The following ICA1 variants were observed in gnomAD, a reference collection of about 807,000 sequenced individuals.
ICA1 encodes 69 kDa islet cell autoantigen.
Under a neutral mutation model 71.0 loss-of-function variants are expected in ICA1, and 40 were observed. The ratio of observed to expected loss-of-function variants is 0.56; its 90% CI spans 0.44 to 0.73. The LOEUF (loss-of-function observed/expected upper bound fraction) is 0.73. Ranked by LOEUF, ICA1 falls within the 30% of genes least tolerant of loss-of-function variation. The pLI is 0.00. For missense variants in ICA1, 578 were observed against 576.5 expected, an observed-to-expected ratio of 1.00 and a Z score of -0.03; for synonymous variants, 207 against 209.5, an observed-to-expected ratio of 0.99 and a Z score of 0.10.
intron 1 of ICA1, among the ~76,000 whole-genome samples, chr7:8,242,080 C>G (rs1191164883): frequency 2.0e-5 from 3 of 152,210 alleles, no homozygotes; most frequent in African/African-American, 7.2e-5. Flanking sequence ...TAGACATCTA[C>G]AGAACTCTCC....
In ICA1 at chr7:8,113,826, A is replaced by G; in HGVS notation, c.*97T>C. On this transcript the variant is annotated 3_prime_UTR_variant, in exon 14 of 14. Coordinates refer to ENST00000402384, the MANE Select transcript of ICA1 (RefSeq NM_001136020.3). The surrounding 1 kb of genome is among the most constrained non-coding windows in gnomAD (Gnocchi z 4.2). ...CTTTCATTTTATTAAAATGGCACATAATTATTAAAACAGCATACTGATCAC... is the reference window on the plus strand; with the variant it reads ...CTTTCATTTTATTAAAATGGCACATGATTATTAAAACAGCATACTGATCAC... The G allele has an allele frequency of 1.5e-6, 2 of 1,295,960 alleles. No individual in the cohort carries two copies. The highest frequency in any genetic ancestry group is 2.2e-6 in the Non-Finnish European group (2 of 904,718). The allele number at this position is 1,295,960 out of a possible 1,614,324, so 80.3% of individuals were successfully genotyped here.
intron 6 of ICA1, among the ~76,000 whole-genome samples, chr7:8,168,399 G>A (rs567384604): frequency 1.3e-5 from 2 of 152,130 alleles, no homozygotes; most frequent in South Asian, 2.1e-4. Context: ...AGAGGAAATC[G>A]AGACCCAGAT....
chr7:8,173,607 T>A lies in ICA1; in HGVS notation c.580-14955A>T, dbSNP rs1779554715. ...GGATAATTGACAAGGGAGTTATTCA[T>A]TGCTGAAGCATTCCAACTAATAAAT... On this transcript the variant is annotated intron_variant, in intron 6 of 13. Coordinates refer to ENST00000402384, the MANE Select transcript of ICA1 (RefSeq NM_001136020.3). This position sits in a 1 kb window ranked among gnomAD's most constrained non-coding sequence, Gnocchi z 4.0. Among the ~76,000 whole-genome samples the A allele has an allele frequency of 6.6e-6, 1 of 152,244 alleles. No individual in the cohort carries two copies. Among genetic ancestry groups the A allele is most frequent in the African/African-American group, 2.4e-5 (1 of 41,464 alleles).
chr7:8,127,934 T>C lies in ICA1; in HGVS notation c.1269A>G (p.Ser423=). 1 of 1,614,236 alleles carries C rather than the reference T, an allele frequency of 6.2e-7. No homozygotes were observed. Among genetic ancestry groups the C allele is most frequent in the African/African-American group, 1.3e-5 (1 of 75,056 alleles). The change falls in exon 13 of 14, where the codon TCA becomes TCG. Residue 423 remains serine (S), a synonymous_variant. Transcript: ENST00000402384. ...CTAAAAGCTGCGAAGGAAGGAAACC[T>C]GAGCCTGTCTGGGCCTTGGGGTCTG... is the stretch of plus-strand genomic sequence containing the variant. The part of the protein sequence containing the change: ...GEPDPKAQTG[S]GFLPSQLLDQ...
At chr7:8,203,744 T>C (rs913406345) in intron 6 of ICA1, among the ~76,000 whole-genome samples, 1 of 152,214 alleles carries the variant, frequency 6.6e-6, no homozygotes, top group African/African-American at 2.4e-5. Flanking sequence ...CTATTTGCTG[T>C]AGGGCTTCTG....
chr7:8,131,618 T>C (rs966007232), intron 12 of ICA1, among the ~76,000 whole-genome samples: 3 of 152,246 alleles, frequency 2.0e-5, no homozygotes, highest in African/African-American at 7.2e-5. Context: ...AAACTGGCAC[T>C]GACTTGAACC....
intron 6 of ICA1, among the ~76,000 whole-genome samples, chr7:8,192,470 G>A (rs1786024580): frequency 6.6e-6 from 1 of 152,160 alleles, no homozygotes; most frequent in South Asian, 2.1e-4. Context: ...CACCACTAGC[G>A]ATGTTAACTT....
rs149457316 is a variant in ICA1, at chr7:8,187,217, T to C, written c.580-28565A>G. On this transcript the variant is annotated intron_variant, in intron 6 of 13. Coordinates refer to ENST00000402384, the MANE Select transcript of ICA1 (RefSeq NM_001136020.3). ...CACACCTATACTTTTTTACAAAGTA[T>C]ATATTATATTACAAAGCATTATATT... Among the ~76,000 whole-genome samples the C allele has an allele frequency of 1.9e-4, 29 of 152,352 alleles. 1 individual carries two copies. The highest frequency in any genetic ancestry group is 6.5e-4 in the African/African-American group (27 of 41,588).
At chr7:8,169,770 ATTTTCT>A (rs1391807214) in intron 6 of ICA1, among the ~76,000 whole-genome samples, 1 of 152,014 alleles carries the variant, frequency 6.6e-6, no homozygotes, top group Non-Finnish European at 1.5e-5. Flanking sequence ...ATTTGAAAAC[ATTTTCT>A]TTAAGTCTGA....
At chr7:8,193,202 T>C (rs1472194253) in intron 6 of ICA1, among the ~76,000 whole-genome samples, 1 of 152,220 alleles carries the variant, frequency 6.6e-6, no homozygotes, top group Non-Finnish European at 1.5e-5. Flanking sequence ...TACACATATA[T>C]GTATTATAAT....
intron 8 of ICA1, among the ~76,000 whole-genome samples, chr7:8,150,879 A>C (rs894991469): frequency 2.6e-5 from 4 of 152,216 alleles, no homozygotes; most frequent in African/African-American, 9.6e-5. Context: ...GAAGCAGTGC[A>C]TGGCCCTGCT....
chr7:8,194,373 T>C (rs1381530644), intron 6 of ICA1, among the ~76,000 whole-genome samples: 2 of 152,244 alleles, frequency 1.3e-5, no homozygotes, highest in Non-Finnish European at 2.9e-5. Context: ...TGTTTATTTA[T>C]AAAATAAAAG....
intron 12 of ICA1, among the ~76,000 whole-genome samples, chr7:8,134,511 A>G (rs1017941685): frequency 1.3e-5 from 2 of 152,194 alleles, no homozygotes; most frequent in Non-Finnish European, 2.9e-5. Context: ...TCTGCGTGTG[A>G]AACAGGAAGA....
intron 6 of ICA1, among the ~76,000 whole-genome samples, chr7:8,205,933 G>C (rs1012134036): frequency 6.6e-6 from 1 of 152,180 alleles, no homozygotes; most frequent in African/African-American, 2.4e-5. Flanking sequence ...AATCCAACTC[G>C]AAGGCCTGGA....
intron 8 of ICA1, among the ~76,000 whole-genome samples, chr7:8,150,290 T>C (rs1311005207): frequency 6.6e-6 from 1 of 152,186 alleles, no homozygotes; most frequent in African/African-American, 2.4e-5. Context: ...GAGGATGAAC[T>C]GAGAGGGTGC....
intron 6 of ICA1, among the ~76,000 whole-genome samples, chr7:8,190,955 G>A (rs1368985828): frequency 6.6e-6 from 1 of 152,104 alleles, no homozygotes; most frequent in Non-Finnish European, 1.5e-5. Context: ...AATTTTTACT[G>A]CCCTGGAATT....
In ICA1 at chr7:8,138,892, G is replaced by A. The variant is rs753652380; in HGVS notation, c.1019-11C>T. On this transcript the variant is annotated splice_polypyrimidine_tract_variant and intron_variant, in intron 11 of 13. Coordinates refer to ENST00000402384, the MANE Select transcript of ICA1 (RefSeq NM_001136020.3). Reference sequence around the variant, plus strand: ...GTTCATCTATGGGTCCTTTAGAGAAGAGGAAAGAAAACAAAATTATAAGTC... The same window carrying A: ...GTTCATCTATGGGTCCTTTAGAGAAAAGGAAAGAAAACAAAATTATAAGTC... The A allele has an allele frequency of 2.5e-6, 4 of 1,605,450 alleles. No individual in the cohort carries two copies. The highest frequency in any genetic ancestry group is 3.4e-6 in the Non-Finnish European group (4 of 1,172,570).
At chr7:8,147,231 C>G (rs1470679335) in intron 8 of ICA1, among the ~76,000 whole-genome samples, 1 of 152,104 alleles carries the variant, frequency 6.6e-6, no homozygotes, top group East Asian at 1.9e-4. Context: ...CATAACCACA[C>G]TTGAGCAGCT....
chr7:8,189,084 C>A (rs925496063), intron 6 of ICA1, among the ~76,000 whole-genome samples: 9 of 152,168 alleles, frequency 5.9e-5, no homozygotes, highest in African/African-American at 2.2e-4. Flanking sequence ...TGAGCTTTTA[C>A]AGAACCCAGT....
Sources: allele counts gnomAD v4.1 joint callset (sites outside exome capture counted in the v4.1 genomes callset), GRCh38; gene constraint gnomAD v4.1.1; non-coding constraint Gnocchi (gnomAD v3.1); transcripts MANE v1.5; gene names NCBI Gene and HGNC (gene_info 2026-07-23, HGNC 2026-07-21).